NBEA: variants seen among roughly 807,000 people sequenced by gnomAD.
NBEA encodes lysosomal-trafficking regulator 2.
NBEA carries 44 observed loss-of-function variants against 343.4 expected under a neutral mutation model. The ratio of observed to expected loss-of-function variants is 0.13; its 90% CI spans 0.10 to 0.16. The LOEUF (loss-of-function observed/expected upper bound fraction) is 0.16, where lower values mean the gene tolerates loss of function less well. Ranked by LOEUF, NBEA falls within the 10% of genes least tolerant of loss-of-function variation. NBEA has a pLI of 1.00. For synonymous variants in NBEA, 1,175 were observed against 1,238.7 expected (o/e 0.95, Z 1.08); for missense variants, 2,555 against 3,631.3 (o/e 0.70, Z 7.62).
At chr13:35,330,060 T>TA (rs2038828085) in intron 36 of NBEA, among the ~76,000 whole-genome samples, 1 of 152,040 alleles carries the variant, frequency 6.6e-6, no homozygotes, top group Non-Finnish European at 1.5e-5. Context: ...TGTCTTTACT[T>TA]ACTCTCTGGA....
rs78424671 is a variant in NBEA at position 35,624,017 on chromosome 13, T to C, written c.7450-4064T>C. Reference sequence around the variant, plus strand: ...AAAATTCTAAATGAATTCTTATCAATGTTATTAAATGTGTGTGTATATGCC... The same window carrying C: ...AAAATTCTAAATGAATTCTTATCAACGTTATTAAATGTGTGTGTATATGCC... On this transcript the variant is annotated intron_variant, in intron 48 of 58. Transcript: ENST00000379939. Among the ~76,000 whole-genome samples the C allele has an allele frequency of 1.4e-4, 21 of 150,150 alleles. No individual in the cohort carries two copies. The East Asian group carries it at 3.7e-3, about 27-fold the overall frequency.
intron 48 of NBEA, among the ~76,000 whole-genome samples, chr13:35,613,897 G>A (rs2082627328): frequency 6.6e-6 from 1 of 152,130 alleles, no homozygotes; most frequent in Non-Finnish European, 1.5e-5. Context: ...CACCAAGCCA[G>A]GCCTATTTTT....
At chr13:35,106,065 T>C (rs34959602) in intron 11 of NBEA, among the ~76,000 whole-genome samples, 16,587 of 151,974 alleles carry the variant, frequency 0.11, 1,111 homozygotes, top group African/African-American at 0.18. Flanking sequence ...TATAACTTCT[T>C]AGATATTATT....
chr13:35,423,428 T>C (rs1376616833), intron 38 of NBEA, among the ~76,000 whole-genome samples: 3 of 152,202 alleles, frequency 2.0e-5, no homozygotes, highest in Non-Finnish European at 4.4e-5. Flanking sequence ...ATTTCTTGTT[T>C]TTGTCAGATT....
chr13:35,401,888 C>G (rs1353807249), intron 38 of NBEA, among the ~76,000 whole-genome samples: 1 of 151,910 alleles, frequency 6.6e-6, no homozygotes, highest in East Asian at 1.9e-4. Context: ...GTTTTAAATA[C>G]ATAAACCTCC....
chr13:35,640,465 T>TC (rs1409165623), intron 49 of NBEA, among the ~76,000 whole-genome samples: 1 of 152,212 alleles, frequency 6.6e-6, no homozygotes, highest in African/African-American at 2.4e-5. Context: ...CAACTGGGCA[T>TC]CTTTGTACAG....
intron 45 of NBEA, among the ~76,000 whole-genome samples, chr13:35,579,303 C>G (rs1453275504): frequency 6.6e-6 from 1 of 151,988 alleles, no homozygotes; most frequent in Non-Finnish European, 1.5e-5. Flanking sequence ...ATCAATAACT[C>G]TGTGCTCAGA....
intron 2 of NBEA, among the ~76,000 whole-genome samples, chr13:35,043,524 G>T (rs1204066210): frequency 6.6e-6 from 1 of 151,718 alleles, no homozygotes; most frequent in Admixed American, 6.6e-5. Flanking sequence ...GATTTTTATA[G>T]TACTTAAATT....
intron 1 of NBEA, among the ~76,000 whole-genome samples, chr13:34,977,537 G>A (rs2152503987): frequency 6.6e-6 from 1 of 151,932 alleles, no homozygotes; most frequent in South Asian, 2.1e-4. Context: ...TCGAACTCCT[G>A]ACCTCAGGTG....
chr13:35,447,228 C>G (rs1002576428), intron 39 of NBEA, among the ~76,000 whole-genome samples: 1 of 151,958 alleles, frequency 6.6e-6, no homozygotes, highest in Non-Finnish European at 1.5e-5. Context: ...TCCAGTTTGT[C>G]ATTTCTGTGT....
At chr13:35,197,420 G>A (rs757151888) in intron 31 of NBEA, among the ~76,000 whole-genome samples, 1 of 152,044 alleles carries the variant, frequency 6.6e-6, no homozygotes, top group African/African-American at 2.4e-5. Context: ...ATTCCATATT[G>A]CTTTCTCTAA....
chr13:35,451,198 A>T (rs183654718), intron 39 of NBEA, among the ~76,000 whole-genome samples: 498 of 152,170 alleles, frequency 3.3e-3, no homozygotes, highest in African/African-American at 0.011. Context: ...ATCTCGGCTC[A>T]CTGCAAGCTC....
chr13:35,161,594 G>A (rs1225672434), intron 22 of NBEA, among the ~76,000 whole-genome samples, 156 bp from the exon 23 acceptor site: 2 of 152,112 alleles, frequency 1.3e-5, no homozygotes, highest in African/African-American at 4.8e-5. Flanking sequence ...CCTGTGCAAG[G>A]AATTACCAGG....
chr13:35,320,039 CTT>C (rs777351599), intron 36 of NBEA, among the ~76,000 whole-genome samples: 4 of 152,040 alleles, frequency 2.6e-5, no homozygotes, highest in Non-Finnish European at 4.4e-5. Flanking sequence ...GGTCGTGACT[CTT>C]TATCAACTTT....
intron 36 of NBEA, among the ~76,000 whole-genome samples, chr13:35,327,338 G>A (rs561375630): frequency 3.4e-4 from 51 of 152,006 alleles, no homozygotes; most frequent in African/African-American, 6.5e-4. Context: ...TATGTTCATC[G>A]CAGCACTATT....
At chr13:35,544,617 ACTTTCTATGTG>A (rs1194011232) in intron 41 of NBEA, among the ~76,000 whole-genome samples, 5 of 152,132 alleles carry the variant, frequency 3.3e-5, no homozygotes. Context: ...TATGTACCTT[ACTTTCTATGTG>A]CTTTCTATGT....
intron 49 of NBEA, among the ~76,000 whole-genome samples, chr13:35,635,783 GA>G (rs1466480003): frequency 6.6e-6 from 1 of 152,170 alleles, no homozygotes; most frequent in Non-Finnish European, 1.5e-5. Flanking sequence ...ATTTAATTTT[GA>G]TTAGTGAATA....
At chr13:35,108,021 G>C (rs758765490) in intron 11 of NBEA, among the ~76,000 whole-genome samples, 3 of 152,072 alleles carry the variant, frequency 2.0e-5, no homozygotes, top group Non-Finnish European at 2.9e-5. Flanking sequence ...TTCATGAAGT[G>C]CTTAAGTCAA....
intron 41 of NBEA, among the ~76,000 whole-genome samples, chr13:35,514,210 C>T (rs897837822): frequency 1.3e-5 from 2 of 151,844 alleles, no homozygotes; most frequent in African/African-American, 4.8e-5. Flanking sequence ...GACAAAATGT[C>T]GCTTACATTT....
Sources: allele counts gnomAD v4.1 joint callset (sites outside exome capture counted in the v4.1 genomes callset), GRCh38; gene constraint gnomAD v4.1.1; transcripts MANE v1.5; gene names NCBI Gene and HGNC (gene_info 2026-07-23, HGNC 2026-07-21).